ARHGAP28: variants seen among roughly 807,000 people sequenced by gnomAD.
ARHGAP28 encodes the protein Rho GTPase activating protein 28, also known as rho GTPase-activating protein 28.
In ARHGAP28, 56 loss-of-function variants were observed where a neutral mutation model predicts 90.7. The ratio of observed to expected loss-of-function variants is 0.62; its 90% CI spans 0.50 to 0.77. The LOEUF is 0.77. Among genes scored for constraint, ARHGAP28 ranks in the 30% least tolerant of loss-of-function variants. The probability of loss-of-function intolerance (pLI) is 0.00; values close to 1 mark genes in which losing one functional copy is unlikely to be tolerated. For synonymous variants in ARHGAP28, 308 were observed against 323.3 expected, an observed-to-expected ratio of 0.95 and a Z score of 0.51; for missense variants, 869 against 900.9, an observed-to-expected ratio of 0.96 and a Z score of 0.45.
intron 1 of ARHGAP28, among the ~76,000 whole-genome samples, chr18:6,807,334 C>T (rs2056526193): frequency 6.6e-6 from 1 of 152,100 alleles, no homozygotes; most frequent in African/African-American, 2.4e-5. Context: ...CATTATGGGT[C>T]ATATTCTCTT....
At chr18:6,910,931 G>A (rs1213077630) in intron 17 of ARHGAP28, among the ~76,000 whole-genome samples, 2 of 151,254 alleles carry the variant, frequency 1.3e-5, no homozygotes, top group African/African-American at 2.4e-5. Flanking sequence ...TGCAAGCTCC[G>A]CCTCCCGGGT....
chr18:6,868,180 G>C lies in ARHGAP28; in HGVS notation c.757G>C (p.Val253Leu). 6.2e-7 allele frequency: 1 copy of C among 1,614,138 alleles called. No individual in the cohort carries two copies. ...ACTTGAGACCATTCCAGTTCTACCA[G>C]TTCATTCCAATGGATCACCGGAGCC... ...AILETIPVLP[V>L]HSNGSPEPGQ... is the part of the protein sequence containing the mutation. The change falls in exon 6 of 18, where the codon GTT (valine) becomes CTT (leucine). Residue 253 changes from valine to leucine, a missense_variant. Coordinates refer to ENST00000383472, the MANE Select transcript of ARHGAP28 (RefSeq NM_001366230.1).
chr18:6,825,069 G>A (rs898868817), intron 2 of ARHGAP28, 105 bp downstream of exon 2: 4 of 1,005,692 alleles, frequency 4.0e-6, no homozygotes, highest in Non-Finnish European at 5.6e-6. Context: ...TTTAACCAAT[G>A]AATCAGTAGA....
In ARHGAP28 at chr18:6,912,323, C is replaced by T; in HGVS notation, c.*169C>T. 5.1e-6 allele frequency: 2 copies of T among 390,854 alleles called. No individual in the cohort carries two copies. 24.2% of individuals were successfully genotyped at this position (390,854 alleles called of 1,614,324 possible). ...ATGAACTATGGAAGAGGCGCCGGTT[C>T]ACCAATTCAACTGAAGCTTTCTCAT... On this transcript the variant is annotated 3_prime_UTR_variant, in exon 18 of 18. Transcript: ENST00000383472.
At chr18:6,878,648 C>G (rs1214845728) in intron 10 of ARHGAP28, among the ~76,000 whole-genome samples, 10 of 152,192 alleles carry the variant, frequency 6.6e-5, no homozygotes, top group Non-Finnish European at 2.9e-5. Context: ...TCCTGAACCA[C>G]ATACAGGTCA....
In ARHGAP28 at chr18:6,904,081, A is replaced by C. The variant is rs1406255559; in HGVS notation, c.2031-4879A>C. ...AAATAAAAAAAATACCTAGAATGAA[A>C]GTAAAACTGTAACATATAAAATTAT... On this transcript the variant is annotated intron_variant, in intron 16 of 17. Coordinates refer to ENST00000383472, the MANE Select transcript of ARHGAP28 (RefSeq NM_001366230.1). Among the ~76,000 whole-genome samples the C allele has an allele frequency of 6.6e-5, 10 of 152,238 alleles. No individual in the cohort carries two copies. The East Asian group carries it at 1.9e-3, about 30-fold the overall frequency.
intron 2 of ARHGAP28, among the ~76,000 whole-genome samples, chr18:6,836,614 A>C (rs2056755516): frequency 6.6e-6 from 1 of 152,094 alleles, no homozygotes; most frequent in African/African-American, 2.4e-5. Context: ...AATTGGGAGG[A>C]GTTGGACACC....
At chr18:6,821,227 G>A (rs1284323669) in intron 1 of ARHGAP28, among the ~76,000 whole-genome samples, 1 of 152,084 alleles carries the variant, frequency 6.6e-6, no homozygotes, top group Non-Finnish European at 1.5e-5. Context: ...ATAAGTTATG[G>A]CTAAAAAGAC....
chr18:6,856,611 A>G (rs536192535), intron 4 of ARHGAP28, among the ~76,000 whole-genome samples: 13 of 151,320 alleles, frequency 8.6e-5, no homozygotes, highest in Admixed American at 4.6e-4. Flanking sequence ...CTGGGCTCCA[A>G]TGATCCTCCC....
At chr18:6,805,675 G>A (rs1456153240) in intron 1 of ARHGAP28, among the ~76,000 whole-genome samples, 4 of 151,190 alleles carry the variant, frequency 2.6e-5, no homozygotes, top group African/African-American at 4.9e-5. Context: ...TAGTAGAGAC[G>A]GGGTTTCACC....
intron 2 of ARHGAP28, 72 bp from the exon 3 acceptor site, chr18:6,837,125 T>C: frequency 9.1e-7 from 1 of 1,101,028 alleles, no homozygotes; most frequent in South Asian, 1.4e-5. Context: ...CAATACTTCT[T>C]GTCTGATATT....
At chr18:6,748,731 AG>A (rs2056045136) in intron 1 of ARHGAP28, among the ~76,000 whole-genome samples, 1 of 152,228 alleles carries the variant, frequency 6.6e-6, no homozygotes, top group Admixed American at 6.5e-5. Context: ...AGGAAACCAA[AG>A]TCTTTCAGTA....
chr18:6,752,692 C>G (rs2056079163), intron 1 of ARHGAP28, among the ~76,000 whole-genome samples: 1 of 152,126 alleles, frequency 6.6e-6, no homozygotes, highest in South Asian at 2.1e-4. Context: ...GGCTCAAAGT[C>G]AGTTCTTGCC....
intron 15 of ARHGAP28, among the ~76,000 whole-genome samples, chr18:6,896,052 C>T (rs532388056): frequency 3.3e-5 from 5 of 152,242 alleles, no homozygotes; most frequent in African/African-American, 1.2e-4. Context: ...TGAATTTGGA[C>T]CAGCCATTCA....
intron 4 of ARHGAP28, among the ~76,000 whole-genome samples, chr18:6,858,608 A>G (rs7233874): frequency 0.2 from 29,822 of 151,586 alleles, 4,474 homozygotes; most frequent in African/African-American, 0.41. Context: ...CAATGGCACA[A>G]TCTTGGCTCA....
intron 11 of ARHGAP28, 38 bp downstream of exon 11, chr18:6,882,337 T>C: frequency 6.4e-6 from 10 of 1,572,138 alleles, no homozygotes; most frequent in Non-Finnish European, 7.8e-6. Context: ...CGCTAAGATA[T>C]AAGGTCAATA....
At chr18:6,776,723 G>A (rs941806416) in intron 1 of ARHGAP28, among the ~76,000 whole-genome samples, 4 of 152,158 alleles carry the variant, frequency 2.6e-5, no homozygotes, top group African/African-American at 9.7e-5. Context: ...AAGGAGAAAC[G>A]GGGTGTCAGA....
chr18:6,853,038 A>G (rs997554450), intron 4 of ARHGAP28, among the ~76,000 whole-genome samples: 1 of 152,130 alleles, frequency 6.6e-6, no homozygotes, highest in African/African-American at 2.4e-5. Context: ...AGATCCTGCC[A>G]TATGGTGTCT....
intron 1 of ARHGAP28, among the ~76,000 whole-genome samples, chr18:6,807,308 G>A (rs2056525902): frequency 6.6e-6 from 1 of 152,096 alleles, no homozygotes; most frequent in Non-Finnish European, 1.5e-5. Flanking sequence ...CATTTGTAGT[G>A]ATTGCATTTT....
Sources: gnomAD v4.1 joint callset for allele counts (sites outside exome capture counted in the v4.1 genomes callset) on GRCh38, gnomAD v4.1.1 for gene constraint, MANE v1.5 for transcripts, NCBI Gene and HGNC (gene_info 2026-07-23, HGNC 2026-07-21) for gene names.